CDK5RAP2: variants seen among roughly 807,000 people sequenced by gnomAD.
The protein encoded by CDK5RAP2 is CDK5 regulatory subunit associated protein 2, also known as CDK5 regulatory subunit-associated protein 2.
In CDK5RAP2, 147 loss-of-function variants were observed where a neutral mutation model predicts 232.9. The observed-to-expected ratio is 0.63, with a 90% CI of 0.55 to 0.72. CDK5RAP2 has a LOEUF of 0.72. CDK5RAP2 is among the 30% of genes least tolerant of loss of function. CDK5RAP2 has a pLI of 0.00. For synonymous variants in CDK5RAP2, 833 were observed against 833.7 expected (o/e 1.00, Z 0.01); for missense variants, 2,195 against 2,231.5 (o/e 0.98, Z 0.33).
At chr9:120,394,738 C>T (rs964593612) in intron 35 of CDK5RAP2, 100 bp from the exon 36 acceptor site, 8 of 1,000,748 alleles carry the variant, frequency 8.0e-6, no homozygotes, top group Non-Finnish European at 1.2e-5. Flanking sequence ...CTCAACCTCA[C>T]TAGCAAAAAT....
intron 26 of CDK5RAP2, among the ~76,000 whole-genome samples, chr9:120,421,408 G>A (rs1005092667): frequency 7.2e-5 from 11 of 152,176 alleles, no homozygotes; most frequent in African/African-American, 2.7e-4. Flanking sequence ...GCTGCAATGG[G>A]AGAAGAGTAT....
intron 11 of CDK5RAP2, among the ~76,000 whole-genome samples, chr9:120,521,644 CTTT>C (rs71266575): frequency 1.6e-5 from 2 of 125,732 alleles, no homozygotes; most frequent in Admixed American, 8.1e-5. Flanking sequence ...ACCTCTTTTT[CTTT>C]TTTTTTTTTT....
intron 5 of CDK5RAP2, among the ~76,000 whole-genome samples, chr9:120,543,410 A>T (rs992079147): frequency 6.6e-6 from 1 of 152,148 alleles, no homozygotes; most frequent in Admixed American, 6.5e-5. Context: ...TAGTGTCTAG[A>T]CTTCTCATAT....
intron 32 of CDK5RAP2, 108 bp from the exon 33 acceptor site, chr9:120,404,221 C>T: frequency 2.6e-6 from 2 of 758,906 alleles, no homozygotes; most frequent in Admixed American, 1.9e-5. Flanking sequence ...TCCATACACA[C>T]ACAGCATTCC....
chr9:120,478,820 A>C (rs1407041740), intron 14 of CDK5RAP2, among the ~76,000 whole-genome samples: 1 of 152,178 alleles, frequency 6.6e-6, no homozygotes, highest in African/African-American at 2.4e-5. Flanking sequence ...TTTACACTTG[A>C]AATGTGCCAG....
chr9:120,533,234 C>T (rs1033016198), intron 7 of CDK5RAP2, among the ~76,000 whole-genome samples: 4 of 152,138 alleles, frequency 2.6e-5, no homozygotes, highest in African/African-American at 9.7e-5. Flanking sequence ...AGCAGGACAA[C>T]GTTCAGCCCT....
At chr9:120,494,310 G>A (rs538023553) in intron 12 of CDK5RAP2, among the ~76,000 whole-genome samples, 1 of 152,206 alleles carries the variant, frequency 6.6e-6, no homozygotes, top group Non-Finnish European at 1.5e-5. Flanking sequence ...TTCACATCTT[G>A]GTTTCTAAAT....
intron 14 of CDK5RAP2, among the ~76,000 whole-genome samples, chr9:120,480,347 G>C (rs2038234913): frequency 6.6e-6 from 1 of 152,070 alleles, no homozygotes; most frequent in African/African-American, 2.4e-5. Context: ...CTGAAATTTA[G>C]CATTACCTTC....
chr9:120,402,360 G>A (rs549036060), intron 34 of CDK5RAP2, among the ~76,000 whole-genome samples: 3 of 152,228 alleles, frequency 2.0e-5, no homozygotes, highest in Admixed American at 1.3e-4. Flanking sequence ...TGAGACAAAC[G>A]TTCATGAACA....
intron 26 of CDK5RAP2, among the ~76,000 whole-genome samples, chr9:120,421,019 C>T (rs2034536656): frequency 1.3e-5 from 2 of 152,216 alleles, no homozygotes; most frequent in African/African-American, 2.4e-5. Flanking sequence ...GCAAGCAACC[C>T]CAGCAGTCTT....
intron 3 of CDK5RAP2, among the ~76,000 whole-genome samples, chr9:120,552,698 T>TGGGGGGA (rs2042088183): frequency 1.7e-5 from 1 of 58,738 alleles, no homozygotes; most frequent in African/African-American, 7.1e-5. Context: ...TGTTGTGGGG[T>TGGGGGGA]GGGGGGAGGG....
At chr9:120,477,725 T>C (rs2038092912) in intron 14 of CDK5RAP2, among the ~76,000 whole-genome samples, 1 of 152,164 alleles carries the variant, frequency 6.6e-6, no homozygotes, top group Non-Finnish European at 1.5e-5. Flanking sequence ...GCTATGGGAT[T>C]AGCCCATCAT....
At position 120,394,615 on chromosome 9, in the gene CDK5RAP2, G is replaced by A. The variant is rs2032299052; in HGVS notation, c.5475C>T (p.Val1825=). 1 of 1,613,632 alleles carries A rather than the reference G, an allele frequency of 6.2e-7. No individual in the cohort carries two copies. Among genetic ancestry groups the A allele is most frequent in the Non-Finnish European group, 8.5e-7 (1 of 1,179,658 alleles). The change falls in exon 36 of 38, where the codon GTC becomes GTT. Residue 1825 remains valine (V), a synonymous_variant. Transcript: ENST00000349780. ...CAAACAATTTTTTATGTAGTTTGGT[G>A]ACCTCTGCCTTCATTTCTCCAATCT... The part of the protein sequence containing the change: ...CEQIGEMKAE[V]TKLHKKLFEQ...
At chr9:120,545,337 A>G (rs2041798070) in intron 5 of CDK5RAP2, among the ~76,000 whole-genome samples, 1 of 152,220 alleles carries the variant, frequency 6.6e-6, no homozygotes, top group Non-Finnish European at 1.5e-5. Context: ...AATTCCTTTT[A>G]TATAAAGTTT....
rs556705149 is a variant in CDK5RAP2, at chr9:120,401,574, G to A, written c.5308-689C>T. ...CTGCAGTGTGCCATAATCATGCCAT[G>A]TACCCCAGCCTGGACAACATGGCCA... On this transcript the variant is annotated intron_variant, in intron 34 of 37. Coordinates refer to ENST00000349780, the MANE Select transcript of CDK5RAP2 (RefSeq NM_018249.6). Among the ~76,000 whole-genome samples the A allele has an allele frequency of 3.5e-4, 42 of 119,512 alleles. No individual in the cohort carries two copies. The South Asian group carries it at 0.01, about 29-fold the overall frequency. 78.4% of individuals were successfully genotyped at this position (119,512 alleles called of 152,430 possible).
Position 120,409,229 on chromosome 9 carries a change from A to G in CDK5RAP2, c.4502T>C (p.Val1501Ala). Residue 1501 changes from valine (V) to alanine (A), a missense_variant, in exon 30 of 38, where the codon GTG (valine) becomes GCG (alanine). Physicochemically the swap from Val to Ala is moderately conservative, Grantham distance 64. Transcript: ENST00000349780. ...CTGCAGCCTTTCATTTTCTTCCTTCACGCTGGCATACTCCCGCTGAAGGTG... is the reference window on the plus strand; with the variant it reads ...CTGCAGCCTTTCATTTTCTTCCTTCGCGCTGGCATACTCCCGCTGAAGGTG... The part of the protein sequence containing the change: ...LEHLQREYAS[V>A]KEENERLQKE... The G allele has an allele frequency of 6.2e-7, 1 of 1,613,880 alleles. No homozygotes were observed.
At chr9:120,479,348 A>G (rs745853225) in intron 14 of CDK5RAP2, among the ~76,000 whole-genome samples, 12 of 152,224 alleles carry the variant, frequency 7.9e-5, no homozygotes, top group Non-Finnish European at 1.3e-4. Flanking sequence ...GAAACACAAA[A>G]GGATGCTAAA....
rs35890688 is a variant in CDK5RAP2, at chr9:120,578,569, C to CTT, written c.59+1349_59+1350dup. On this transcript the variant is annotated intron_variant, in intron 1 of 37. Transcript: ENST00000349780. ...ATAAATATTAATTATTTTCACTTTC[C>CTT]TTTTTTTTTTTTTTAAAGATAGAGT... 8.6e-3 allele frequency among the ~76,000 whole-genome samples: 1,233 copies of CTT among 143,362 alleles called. 8 individuals carry two copies. Among genetic ancestry groups the CTT allele is most frequent in the Middle Eastern group, 0.032 (9 of 284 alleles). 94.1% of individuals were successfully genotyped at this position (143,362 alleles called of 152,430 possible).
At chr9:120,531,224 G>C (rs573770036) in intron 7 of CDK5RAP2, among the ~76,000 whole-genome samples, 1 of 151,726 alleles carries the variant, frequency 6.6e-6, no homozygotes, top group Non-Finnish European at 1.5e-5. Flanking sequence ...ACCTTTGCTC[G>C]TGCTATTCCT....
Sources: gnomAD v4.1 joint callset for allele counts (sites outside exome capture counted in the v4.1 genomes callset) on GRCh38, gnomAD v4.1.1 for gene constraint, MANE v1.5 for transcripts, NCBI Gene and HGNC (gene_info 2026-07-23, HGNC 2026-07-21) for gene names.